BICD1: variants seen among roughly 807,000 people sequenced by gnomAD.
BICD1 encodes BICD cargo adaptor 1.
In BICD1, 35 loss-of-function variants were observed where a neutral mutation model predicts 92.5. The ratio of observed to expected loss-of-function variants is 0.38; its 90% CI spans 0.29 to 0.50. The LOEUF (loss-of-function observed/expected upper bound fraction) is 0.50, where lower values mean the gene tolerates loss of function less well. BICD1 is among the 20% of genes least tolerant of loss of function. The probability of loss-of-function intolerance (pLI) is 0.93; values close to 1 mark genes in which losing one functional copy is unlikely to be tolerated. For missense variants in BICD1, 950 were observed against 1,189.8 expected (o/e 0.80, Z 2.97); for synonymous variants, 429 against 465.1 (o/e 0.92, Z 1.00).
At chr12:32,238,397 G>A (rs1177853565) in intron 2 of BICD1, among the ~76,000 whole-genome samples, 5 of 152,176 alleles carry the variant, frequency 3.3e-5, no homozygotes, top group African/African-American at 4.8e-5. Flanking sequence ...TTATGGATGA[G>A]CAAAGGAAAT....
intron 9 of BICD1, among the ~76,000 whole-genome samples, chr12:32,373,512 A>G (rs914615336): frequency 6.6e-6 from 1 of 152,192 alleles, no homozygotes; most frequent in African/African-American, 2.4e-5. Context: ...GTGAGTTGTA[A>G]CCCATATTTA....
At position 32,233,322 on chromosome 12, in the gene BICD1, T is replaced by TTAAAAAAAAAAAA. The variant is rs35803631; in HGVS notation, c.426+16863_426+16864insTAAAAAAAAAAAA. Among the ~76,000 whole-genome samples the TTAAAAAAAAAAAA allele has an allele frequency of 1.3e-4, 16 of 127,070 alleles. 1 individual carries two copies. Among genetic ancestry groups the TTAAAAAAAAAAAA allele is most frequent in the South Asian group, 2.5e-4 (1 of 3,942 alleles). 83.4% of individuals were successfully genotyped at this position (127,070 alleles called of 152,430 possible). A position where few individuals can be genotyped will look rare whatever the true frequency, so the allele number is the denominator to read the frequency against. The stretch of plus-strand genomic sequence containing the variant: ...GGATGACAGAGCAAGAGTCTGTCTT[T>TTAAAAAAAAAAAA]AAAAAAAAAAAAAAAAAAGTAGGCT... On this transcript the variant is annotated intron_variant, in intron 2 of 9. Coordinates refer to ENST00000652176, the MANE Select transcript of BICD1 (RefSeq NM_001714.4).
chr12:32,150,106 A>G (rs1172947675), intron 1 of BICD1, among the ~76,000 whole-genome samples: 2 of 152,174 alleles, frequency 1.3e-5, no homozygotes, highest in Non-Finnish European at 2.9e-5. Context: ...CTTACTCACT[A>G]TCATGAGAAT....
At chr12:32,163,118 G>A (rs901789662) in intron 1 of BICD1, among the ~76,000 whole-genome samples, 1 of 152,136 alleles carries the variant, frequency 6.6e-6, no homozygotes, top group African/African-American at 2.4e-5. Context: ...CAGGGGTCTT[G>A]AGTTCTGAGG....
In BICD1 at chr12:32,337,169, C is replaced by T. The variant is rs1209402099; in HGVS notation, c.2253-330C>T. On this transcript the variant is annotated intron_variant, in intron 6 of 9. Coordinates refer to ENST00000652176, the MANE Select transcript of BICD1 (RefSeq NM_001714.4). The surrounding 1 kb of genome is among the most constrained non-coding windows in gnomAD (Gnocchi z 4.7). The stretch of plus-strand genomic sequence containing the variant: ...GGCTGAGGCATGAGAATCGCTTGAA[C>T]CTGGGAGGCAGAGGTTACAGTGAGC... Among the ~76,000 whole-genome samples the T allele has an allele frequency of 6.6e-6, 1 of 152,114 alleles. No homozygotes were observed. Among genetic ancestry groups the T allele is most frequent in the African/African-American group, 2.4e-5 (1 of 41,398 alleles).
chr12:32,128,666 T>A (rs1044811796), intron 1 of BICD1, among the ~76,000 whole-genome samples: 3 of 152,204 alleles, frequency 2.0e-5, no homozygotes, highest in Non-Finnish European at 4.4e-5. Flanking sequence ...TTCCTATATG[T>A]TTATAGTTTA....
chr12:32,362,281 A>T (rs934386330), intron 8 of BICD1, among the ~76,000 whole-genome samples: 19 of 151,888 alleles, frequency 1.3e-4, no homozygotes, highest in African/African-American at 3.9e-4. Context: ...AATTGCTTGA[A>T]CCCGCGAGGC....
At chr12:32,286,138 T>C (rs1947558404) in intron 2 of BICD1, among the ~76,000 whole-genome samples, 1 of 152,218 alleles carries the variant, frequency 6.6e-6, no homozygotes, top group African/African-American at 2.4e-5. Flanking sequence ...TGATCCTCAT[T>C]AGCTTTGCTG....
At chr12:32,130,671 C>A (rs1815665381) in intron 1 of BICD1, among the ~76,000 whole-genome samples, 1 of 151,996 alleles carries the variant, frequency 6.6e-6, no homozygotes, top group African/African-American at 2.4e-5. Context: ...TTCCCAAATA[C>A]CACTCGTTAG....
At chr12:32,317,743 T>C (rs914967000) in intron 4 of BICD1, among the ~76,000 whole-genome samples, 2 of 152,174 alleles carry the variant, frequency 1.3e-5, no homozygotes, top group South Asian at 2.1e-4. Flanking sequence ...ATTTTGGCTT[T>C]TGTTGCCATT....
At chr12:32,170,422 C>T (rs1943901916) in intron 1 of BICD1, among the ~76,000 whole-genome samples, 1 of 152,138 alleles carries the variant, frequency 6.6e-6, no homozygotes, top group South Asian at 2.1e-4. Context: ...CTTCTTGGGC[C>T]AGAGCCTAAA....
intron 9 of BICD1, among the ~76,000 whole-genome samples, chr12:32,374,734 A>ATTTTTTTTTTTTTTTTT (rs1179747608): frequency 2.5e-5 from 2 of 80,122 alleles, no homozygotes; most frequent in African/African-American, 1.1e-4. Flanking sequence ...CGCCCGGCTA[A>ATTTTTTTTTTTTTTTTT]TTTTTTTTTT....
At chr12:32,376,942 C>T (rs2136347799) in intron 9 of BICD1, among the ~76,000 whole-genome samples, 1 of 151,000 alleles carries the variant, frequency 6.6e-6, no homozygotes, top group East Asian at 2.0e-4. Flanking sequence ...AGGGGGAATT[C>T]TTAGAGCAAA....
chr12:32,249,426 G>T (rs1035469165), intron 2 of BICD1, among the ~76,000 whole-genome samples: 2 of 152,178 alleles, frequency 1.3e-5, no homozygotes, highest in South Asian at 4.1e-4. Flanking sequence ...TTATTAGTTT[G>T]TCTGTGAATA....
At chr12:32,344,139 G>A (rs1429279694) in intron 8 of BICD1, among the ~76,000 whole-genome samples, 1 of 152,172 alleles carries the variant, frequency 6.6e-6, no homozygotes, top group Non-Finnish European at 1.5e-5. Flanking sequence ...AGATATTCCT[G>A]AAATAAATAA....
chr12:32,120,801 A>T (rs896966769), intron 1 of BICD1, among the ~76,000 whole-genome samples: 3 of 151,090 alleles, frequency 2.0e-5, no homozygotes, highest in African/African-American at 7.3e-5. Flanking sequence ...CTTTCTGCTA[A>T]GGTTGGTGTG....
At chr12:32,158,388 G>A (rs1389718719) in intron 1 of BICD1, among the ~76,000 whole-genome samples, 3 of 152,042 alleles carry the variant, frequency 2.0e-5, no homozygotes, top group Admixed American at 1.3e-4. Context: ...GATTACAGGC[G>A]TGAGCCACCG....
At chr12:32,162,605 A>C (rs944358797) in intron 1 of BICD1, among the ~76,000 whole-genome samples, 8 of 152,210 alleles carry the variant, frequency 5.3e-5, no homozygotes, top group Non-Finnish European at 1.0e-4. Context: ...GTAATTCATC[A>C]ATAGAGGTTA....
intron 1 of BICD1, among the ~76,000 whole-genome samples, chr12:32,115,564 G>A (rs1001979460): frequency 3.9e-5 from 6 of 152,102 alleles, no homozygotes; most frequent in African/African-American, 1.4e-4. Flanking sequence ...AAGAAAACCC[G>A]AGAAGCTCAG....
Sources: allele counts gnomAD v4.1 joint callset (sites outside exome capture counted in the v4.1 genomes callset), GRCh38; gene constraint gnomAD v4.1.1; non-coding constraint Gnocchi (gnomAD v3.1); transcripts MANE v1.5; gene names NCBI Gene and HGNC (gene_info 2026-07-23, HGNC 2026-07-21).